The following DLG2 variants were observed in gnomAD, a reference collection of about 807,000 sequenced individuals.
DLG2 encodes discs large MAGUK scaffold protein 2, also known as disks large homolog 2.
DLG2 carries 45 observed loss-of-function variants against 132.5 expected under a neutral mutation model. The observed-to-expected ratio is 0.34, with a 90% confidence interval of 0.27 to 0.44. DLG2 has a LOEUF of 0.44. DLG2 is among the 20% of genes least tolerant of loss of function. The pLI is 1.00. For synonymous variants in DLG2, 424 were observed against 419.6 expected, an observed-to-expected ratio of 1.01 and a Z score of -0.13; for missense variants, 1,045 against 1,196.9, an observed-to-expected ratio of 0.87 and a Z score of 1.87.
intron 18 of DLG2, among the ~76,000 whole-genome samples, chr11:83,738,621 T>C (rs2092221207): frequency 6.6e-6 from 1 of 152,182 alleles, no homozygotes; most frequent in Non-Finnish European, 1.5e-5. Flanking sequence ...GAATTCTAAG[T>C]CACCAACTAT....
At chr11:83,887,833 A>G (rs1019429472) in intron 15 of DLG2, among the ~76,000 whole-genome samples, 182 of 149,430 alleles carry the variant, frequency 1.2e-3, no homozygotes, top group African/African-American at 4.3e-3. Context: ...ATATAAACGG[A>G]ACCAAAGACA....
chr11:85,202,696 C>A (rs2081557967), intron 4 of DLG2, among the ~76,000 whole-genome samples: 1 of 152,072 alleles, frequency 6.6e-6, no homozygotes, highest in African/African-American at 2.4e-5. Flanking sequence ...TATTAAGTCT[C>A]TTTTCTGACC....
chr11:83,989,016 T>C (rs186747592), intron 11 of DLG2, among the ~76,000 whole-genome samples: 29 of 152,268 alleles, frequency 1.9e-4, no homozygotes, highest in Non-Finnish European at 1.5e-5. Context: ...AGTTACATAC[T>C]TGCCTCATAA....
intron 3 of DLG2, among the ~76,000 whole-genome samples, chr11:85,340,997 A>G (rs777332905): frequency 3.9e-5 from 6 of 152,186 alleles, no homozygotes; most frequent in Non-Finnish European, 8.8e-5. Context: ...TTATCTCAGA[A>G]CCATTTATTA....
intron 9 of DLG2, among the ~76,000 whole-genome samples, chr11:84,115,852 C>T (rs1260266692): frequency 1.3e-5 from 2 of 152,184 alleles, no homozygotes; most frequent in Non-Finnish European, 2.9e-5. Flanking sequence ...ATGAGTACCT[C>T]ACTAGAGTAT....
intron 4 of DLG2, among the ~76,000 whole-genome samples, chr11:85,227,756 A>G (rs1403486892): frequency 6.6e-6 from 1 of 152,048 alleles, no homozygotes; most frequent in Non-Finnish European, 1.5e-5. Context: ...AGCATCCATG[A>G]TCTTATATGA....
At chr11:84,492,335 A>G (rs969044013) in intron 7 of DLG2, among the ~76,000 whole-genome samples, 1 of 152,154 alleles carries the variant, frequency 6.6e-6, no homozygotes, top group African/African-American at 2.4e-5. Context: ...AATCAGTCCA[A>G]GCAAATCATT....
chr11:84,203,639 A>G (rs1324231170), intron 8 of DLG2, among the ~76,000 whole-genome samples: 2 of 151,586 alleles, frequency 1.3e-5, no homozygotes, highest in African/African-American at 4.8e-5. Context: ...ACATGGATGG[A>G]GCTAGAAGCC....
At chr11:84,957,345 C>T (rs991395110) in intron 6 of DLG2, among the ~76,000 whole-genome samples, 2 of 152,052 alleles carry the variant, frequency 1.3e-5, no homozygotes, top group African/African-American at 2.4e-5. Context: ...ATTTTCTTAC[C>T]TCATTAATTT....
At chr11:83,728,580 C>T (rs1466935777) in intron 18 of DLG2, among the ~76,000 whole-genome samples, 3 of 152,182 alleles carry the variant, frequency 2.0e-5, no homozygotes, top group South Asian at 2.1e-4. Context: ...TGTTTTGGAT[C>T]CTTGCTTGGC....
intron 7 of DLG2, among the ~76,000 whole-genome samples, chr11:84,254,624 A>G (rs2097436024): frequency 6.6e-6 from 1 of 152,210 alleles, no homozygotes; most frequent in Non-Finnish European, 1.5e-5. Flanking sequence ...TCCAATATCC[A>G]ATATCACTTT....
chr11:83,484,309 G>T, intron 21 of DLG2, 81 bp from the exon 22 acceptor site: 1 of 1,018,460 alleles, frequency 9.8e-7, no homozygotes, highest in Non-Finnish European at 1.5e-6. Context: ...CAACTAGTTT[G>T]TAAAAGCACA....
intron 6 of DLG2, among the ~76,000 whole-genome samples, chr11:84,881,716 C>T (rs925252318): frequency 1.3e-5 from 2 of 152,074 alleles, no homozygotes; most frequent in Non-Finnish European, 2.9e-5. Context: ...CAGATGTAAA[C>T]CACCATTCAA....
At chr11:85,402,084 T>C (rs1001881969) in intron 3 of DLG2, among the ~76,000 whole-genome samples, 1 of 152,130 alleles carries the variant, frequency 6.6e-6, no homozygotes, top group Non-Finnish European at 1.5e-5. Context: ...CTACCTGACT[T>C]CAAACTATAC....
chr11:84,132,771 G>A (rs1413886793), intron 9 of DLG2, among the ~76,000 whole-genome samples: 1 of 151,940 alleles, frequency 6.6e-6, no homozygotes, highest in East Asian at 1.9e-4. Context: ...AATTTGAATT[G>A]GAAGGTCTAA....
intron 8 of DLG2, among the ~76,000 whole-genome samples, chr11:84,181,012 A>G (rs2168008): frequency 0.064 from 9,672 of 151,962 alleles, 378 homozygotes; most frequent in African/African-American, 0.097. Context: ...ATGAAAATAA[A>G]ACAAAATAAA....
intron 7 of DLG2, among the ~76,000 whole-genome samples, chr11:84,269,889 G>A (rs1175790381): frequency 6.6e-6 from 1 of 152,076 alleles, no homozygotes; most frequent in African/African-American, 2.4e-5. Context: ...GGCACCATTT[G>A]GTAATACTAT....
chr11:83,863,483 A>C (rs2061778795), intron 16 of DLG2, among the ~76,000 whole-genome samples: 1 of 152,086 alleles, frequency 6.6e-6, no homozygotes, highest in Non-Finnish European at 1.5e-5. Flanking sequence ...ATGGACAATG[A>C]ATGGAGACTT....
chr11:83,540,400 A>G (rs1174195715), intron 20 of DLG2, among the ~76,000 whole-genome samples: 1 of 152,196 alleles, frequency 6.6e-6, no homozygotes, highest in Non-Finnish European at 1.5e-5. Flanking sequence ...AGAGGCTTAA[A>G]GAAACCCAGA....
Sources: gnomAD v4.1 joint callset for allele counts (sites outside exome capture counted in the v4.1 genomes callset) on GRCh38, gnomAD v4.1.1 for gene constraint, MANE v1.5 for transcripts, NCBI Gene and HGNC (gene_info 2026-07-23, HGNC 2026-07-21) for gene names.